The following TRAP1 variants were observed in gnomAD, a reference collection of about 807,000 sequenced individuals.
TRAP1 encodes heat shock protein 75 kDa, mitochondrial.
Under a neutral mutation model 89.1 loss-of-function variants are expected in TRAP1, and 102 were observed. The observed-to-expected ratio is 1.15, with a 90% CI of 0.98 to 1.35. The LOEUF is 1.35. TRAP1 is among the 40% of genes most tolerant of loss of function. The pLI is 0.00. For missense variants in TRAP1, 1,256 were observed against 945.3 expected (o/e 1.33, Z -4.31); for synonymous variants, 508 against 388.0 (o/e 1.31, Z -3.64).
chr16:3,675,849 A>G (rs768712505), intron 7 of TRAP1, among the ~76,000 whole-genome samples, 187 bp downstream of exon 7: 1 of 152,240 alleles, frequency 6.6e-6, no homozygotes, highest in African/African-American at 2.4e-5. Context: ...TCCCAGTCCC[A>G]GCAGGAGCTC....
chr16:3,701,485 A>G (rs1347359893), intron 1 of TRAP1, among the ~76,000 whole-genome samples: 4 of 148,660 alleles, frequency 2.7e-5, no homozygotes, highest in African/African-American at 9.9e-5. Flanking sequence ...CCCGAGGCAG[A>G]GGTTGCAGTG....
Position 3,675,410 on chromosome 16 carries a change from A to G in TRAP1, c.815-13T>C, listed in dbSNP as rs202013345. On this transcript the variant is annotated splice_polypyrimidine_tract_variant and intron_variant, in intron 7 of 17. Transcript: ENST00000246957. ...TTCGTTACCACATCTGGAAGGGACA[A>G]AAGAAAAACCACACTGCATCTACAA... The G allele has an allele frequency of 5.0e-6, 8 of 1,613,714 alleles. No homozygotes were observed. Among genetic ancestry groups the G allele is most frequent in the Admixed American group, 1.7e-5 (1 of 59,994 alleles).
intron 1 of TRAP1, among the ~76,000 whole-genome samples, chr16:3,699,629 C>CAAAA (rs35602361): frequency 3.2e-4 from 23 of 72,038 alleles, no homozygotes; most frequent in East Asian, 4.3e-4. Flanking sequence ...AACTCCGTCT[C>CAAAA]AAAAAAAAAA....
At chr16:3,686,254 A>G in intron 3 of TRAP1, 118 bp from the exon 4 acceptor site, 1 of 1,224,120 alleles carries the variant, frequency 8.2e-7, no homozygotes, top group Non-Finnish European at 1.1e-6. Flanking sequence ...CAATTCTCAA[A>G]GCATAAAGAG....
chr16:3,688,777 C>T (rs551853150), intron 3 of TRAP1, among the ~76,000 whole-genome samples: 5 of 152,312 alleles, frequency 3.3e-5, no homozygotes, highest in Admixed American at 6.5e-5. Flanking sequence ...AGCCACCACA[C>T]CAGGCCTGTA....
In TRAP1 at chr16:3,664,434, T is replaced by C; in HGVS notation, c.1409A>G (p.Tyr470Cys). The change falls in exon 13 of 18, where the codon TAC becomes TGC. Residue 470 changes from tyrosine (Y) to cysteine (C), a missense_variant. Transcript: ENST00000246957. ...CCCGGAGGGCAGCGCCGAGGACTCG[T>C]AGCGCAGCAGCTTTGCTATGTCCTC... ...VKEDIAKLLR[Y>C]ESSALPSGQL... 1.2e-6 allele frequency: 2 copies of C among 1,612,154 alleles called. No individual in the cohort carries two copies. The highest frequency in any genetic ancestry group is 1.3e-5 in the African/African-American group (1 of 74,990).
In TRAP1 at chr16:3,679,684, G is replaced by A. The variant is rs187642735; in HGVS notation, c.543+35C>T. 2.4e-5 allele frequency: 38 copies of A among 1,611,936 alleles called. No homozygotes were observed. The Admixed American group carries it at 4.8e-4, about 20-fold the overall frequency. The stretch of plus-strand genomic sequence containing the variant: ...CTGGAGGGATCCTTGCACCCTGAGG[G>A]GAAGGGGGAGGCTGTGTGGGGGCCC... On this transcript the variant is annotated intron_variant, in intron 5 of 17. Transcript: ENST00000246957.
At chr16:3,698,452 G>A (rs545575317) in intron 1 of TRAP1, among the ~76,000 whole-genome samples, 28 of 151,522 alleles carry the variant, frequency 1.8e-4, no homozygotes, top group Middle Eastern at 3.4e-3. Flanking sequence ...ACAGGCGCCC[G>A]CCACCATGCC....
At chr16:3,689,770 G>A (rs2051188199) in intron 2 of TRAP1, 2 of 152,334 alleles carry the variant, frequency 1.3e-5, no homozygotes, top group Non-Finnish European at 1.5e-5. Flanking sequence ...AGCCAGGGAG[G>A]TCGAGGCTTC....
chr16:3,662,706 G>A, intron 15 of TRAP1, 176 bp downstream of exon 15: 1 of 706,580 alleles, frequency 1.4e-6, no homozygotes, highest in Non-Finnish European at 2.6e-6. Flanking sequence ...TCCTGCCTCA[G>A]CGGCACTCCC....
chr16:3,703,607 T>C (rs1241904268), intron 1 of TRAP1, among the ~76,000 whole-genome samples: 1 of 152,034 alleles, frequency 6.6e-6, no homozygotes, highest in Non-Finnish European at 1.5e-5. Context: ...AGGGGTGTTG[T>C]CTGAGGCATG....
At chr16:3,673,611 G>A (rs2050945765) in intron 9 of TRAP1, among the ~76,000 whole-genome samples, 1 of 152,190 alleles carries the variant, frequency 6.6e-6, no homozygotes, top group African/African-American at 2.4e-5. Flanking sequence ...CTCCCACGCA[G>A]GAGCCCTGGG....
At chr16:3,691,569 C>T (rs2051215064) in intron 1 of TRAP1, among the ~76,000 whole-genome samples, 1 of 152,104 alleles carries the variant, frequency 6.6e-6, no homozygotes, top group Admixed American at 6.6e-5. Flanking sequence ...ACGGGTGACA[C>T]CTCGCATCAA....
intron 4 of TRAP1, among the ~76,000 whole-genome samples, chr16:3,680,954 G>A (rs575624698): frequency 6.6e-6 from 1 of 152,200 alleles, no homozygotes; most frequent in East Asian, 1.9e-4. Context: ...TTTATAAATT[G>A]CCCAGTCTAA....
At chr16:3,709,812 G>A (rs1273335259) in intron 1 of TRAP1, among the ~76,000 whole-genome samples, 4 of 152,212 alleles carry the variant, frequency 2.6e-5, no homozygotes, top group East Asian at 1.9e-4. Flanking sequence ...CACCACGCCC[G>A]GCTAGTTTTG....
chr16:3,660,307 A>T (rs1387649400), intron 16 of TRAP1: 4 of 152,218 alleles, frequency 2.6e-5, no homozygotes, highest in African/African-American at 9.7e-5. Flanking sequence ...TTGAATTCTG[A>T]ACTATGTGGA....
chr16:3,675,185 C>T, intron 8 of TRAP1, 139 bp downstream of exon 8: 2 of 755,766 alleles, frequency 2.6e-6, no homozygotes, highest in Admixed American at 5.2e-5. Flanking sequence ...CTCATCCCCA[C>T]ACCCAGGTCT....
At position 3,662,953 on chromosome 16, in the gene TRAP1, A is replaced by G. The variant is rs2043169626; in HGVS notation, c.1723T>C (p.Ser575Pro). 6.2e-7 allele frequency: 1 copy of G among 1,611,274 alleles called. No individual in the cohort carries two copies. The highest frequency in any genetic ancestry group is 1.3e-5 in the African/African-American group (1 of 74,926). The change falls in exon 15 of 18, where the codon TCA (serine) becomes CCA (proline). Residue 575 changes from serine to proline, a missense_variant. Ser to Pro is a moderately conservative substitution (Grantham distance 74). Transcript: ENST00000246957. ...ATGAGCTCCTCCGTCTCCTTCTCTGATAGGCACTCGGCGGCTGCGGAAGAG... is the reference window on the plus strand; with the variant it reads ...ATGAGCTCCTCCGTCTCCTTCTCTGGTAGGCACTCGGCGGCTGCGGAAGAG... ...EDRSPAAECLSEKETEELMAW... is the reference protein window; with the variant it reads ...EDRSPAAECLPEKETEELMAW...
chr16:3,686,086 C>T lies in TRAP1; in HGVS notation c.381G>A (p.Leu127=). Residue 127 remains leucine (L), a synonymous_variant, in exon 4 of 18, where the codon CTG becomes CTA. Coordinates refer to ENST00000246957, the MANE Select transcript of TRAP1 (RefSeq NM_016292.3). The stretch of plus-strand genomic sequence containing the variant: ...GGCCGTCAGACACCAGTTTGTGACG[C>T]AGTTTTTCCAAGGCATCGCTGGCAT... ...ISNASDALEK[L]RHKLVSDGQA... 6.2e-7 allele frequency: 1 copy of T among 1,614,144 alleles called. No homozygotes were observed. Among genetic ancestry groups the T allele is most frequent in the Middle Eastern group, 1.6e-4 (1 of 6,062 alleles).
Sources: gnomAD v4.1 joint callset for allele counts (sites outside exome capture counted in the v4.1 genomes callset) on GRCh38, gnomAD v4.1.1 for gene constraint, MANE v1.5 for transcripts, NCBI Gene and HGNC (gene_info 2026-07-23, HGNC 2026-07-21) for gene names.